The following BTRC variants were observed in gnomAD, a reference collection of about 807,000 sequenced individuals.
BTRC encodes beta-transducin repeat containing E3 ubiquitin protein ligase.
A neutral mutation model predicts 85.5 loss-of-function variants in BTRC; 42 were observed. That is an observed-to-expected ratio of 0.49 (90% CI 0.38 to 0.64). The LOEUF is 0.64. Among genes scored for constraint, BTRC ranks in the 30% least tolerant of loss-of-function variants. The pLI is 0.00. For missense variants in BTRC, 594 were observed against 743.5 expected, an observed-to-expected ratio of 0.80 and a Z score of 2.34; for synonymous variants, 255 against 263.3, an observed-to-expected ratio of 0.97 and a Z score of 0.30.
At chr10:101,527,461 G>C (rs1219380298) in intron 6 of BTRC, among the ~76,000 whole-genome samples, 1 of 152,126 alleles carries the variant, frequency 6.6e-6, no homozygotes, top group African/African-American at 2.4e-5. Flanking sequence ...GTGTAACAAA[G>C]AATATTGTTG....
At chr10:101,492,590 ATATT>A (rs1946161432) in intron 4 of BTRC, among the ~76,000 whole-genome samples, 2 of 152,258 alleles carry the variant, frequency 1.3e-5, no homozygotes, top group Admixed American at 1.3e-4. Flanking sequence ...ATCTTGCTCC[ATATT>A]TATTTTTGTA....
intron 4 of BTRC, among the ~76,000 whole-genome samples, chr10:101,497,408 G>T (rs9420834): frequency 0.37 from 56,285 of 152,060 alleles, 11,596 homozygotes; most frequent in Middle Eastern, 0.49. Context: ...GTTTAAATAT[G>T]AATATATTAA....
rs1250929450 is a variant in BTRC at position 101,532,975 on chromosome 10, A to T, written c.1002A>T (p.Glu334Asp). ...TIKIWDKNTLECKRILTGHTG... is the reference protein window; with the variant it reads ...TIKIWDKNTLDCKRILTGHTG... Reference sequence around the variant, plus strand: ...AGATCTGGGATAAAAACACATTGGAATGCAAGCGAATTCTCACAGGCCATA... The same window carrying T: ...AGATCTGGGATAAAAACACATTGGATTGCAAGCGAATTCTCACAGGCCATA... The change falls in exon 9 of 15, where the codon GAA becomes GAT. Residue 334 changes from glutamate (E) to aspartate (D), a missense_variant. By Grantham distance (45) the Glu-to-Asp change is conservative (BLOSUM62 2). Coordinates refer to ENST00000370187, the MANE Select transcript of BTRC (RefSeq NM_033637.4). 3.1e-6 allele frequency: 5 copies of T among 1,612,934 alleles called. No individual in the cohort carries two copies. The highest frequency in any genetic ancestry group is 4.2e-6 in the Non-Finnish European group (5 of 1,179,252).
chr10:101,519,005 A>C (rs1480096033), intron 4 of BTRC, among the ~76,000 whole-genome samples: 1 of 151,750 alleles, frequency 6.6e-6, no homozygotes, highest in Non-Finnish European at 1.5e-5. Context: ...CTCAAGGCTT[A>C]AATCAATCAA....
chr10:101,365,373 CTTT>C (rs1253340948), intron 1 of BTRC, among the ~76,000 whole-genome samples: 2 of 141,798 alleles, frequency 1.4e-5, no homozygotes, highest in Non-Finnish European at 3.1e-5. Flanking sequence ...GCGCTTGGCC[CTTT>C]TTTTTTTTAA....
intron 4 of BTRC, among the ~76,000 whole-genome samples, chr10:101,516,106 A>G (rs1478121599): frequency 2.6e-5 from 4 of 152,196 alleles, no homozygotes; most frequent in African/African-American, 9.7e-5. Flanking sequence ...TAGAAAAAAT[A>G]TATAGTGAAA....
chr10:101,457,625 A>G (rs1945115784), intron 2 of BTRC, among the ~76,000 whole-genome samples: 1 of 152,182 alleles, frequency 6.6e-6, no homozygotes, highest in Non-Finnish European at 1.5e-5. Context: ...CACATTCTGC[A>G]ATTTATTTAC....
chr10:101,438,382 G>A (rs527624783), intron 2 of BTRC, among the ~76,000 whole-genome samples: 5 of 116,662 alleles, frequency 4.3e-5, no homozygotes, highest in Admixed American at 1.3e-4. Context: ...CCGAGATCGC[G>A]CCACTACACT....
intron 3 of BTRC, among the ~76,000 whole-genome samples, chr10:101,470,680 T>C (rs1472556101): frequency 1.3e-5 from 2 of 152,214 alleles, no homozygotes; most frequent in Non-Finnish European, 2.9e-5. Context: ...TAAGAAATCT[T>C]TGTCTACCCC....
At chr10:101,414,744 G>A (rs891940480) in intron 1 of BTRC, 5 of 359,970 alleles carry the variant, frequency 1.4e-5, no homozygotes, top group African/African-American at 4.3e-5. Context: ...TAATGTGTGT[G>A]TTCATGTGTT....
chr10:101,552,357 A>T (rs376339990), intron 14 of BTRC, among the ~76,000 whole-genome samples: 9 of 132,884 alleles, frequency 6.8e-5, no homozygotes, highest in South Asian at 2.4e-4. Context: ...AATTGTTTGT[A>T]TTTTTTTTTT....
At chr10:101,406,645 T>C (rs1472013616) in intron 1 of BTRC, among the ~76,000 whole-genome samples, 1 of 144,704 alleles carries the variant, frequency 6.9e-6, no homozygotes, top group Non-Finnish European at 1.5e-5. Flanking sequence ...GTGATTCTCC[T>C]GCCTCAGCCT....
chr10:101,404,859 G>A (rs1016554552), intron 1 of BTRC, among the ~76,000 whole-genome samples: 10 of 152,030 alleles, frequency 6.6e-5, no homozygotes, highest in African/African-American at 2.2e-4. Flanking sequence ...TTAGCCGGGC[G>A]TGGTGGCGGG....
intron 1 of BTRC, among the ~76,000 whole-genome samples, chr10:101,423,359 G>A (rs971746231): frequency 2.6e-5 from 4 of 152,192 alleles, no homozygotes; most frequent in Non-Finnish European, 5.9e-5. Context: ...TACAGAGAAT[G>A]TTATACAGAT....
intron 1 of BTRC, among the ~76,000 whole-genome samples, chr10:101,427,064 G>C (rs542842820): frequency 4.0e-5 from 6 of 150,068 alleles, no homozygotes; most frequent in East Asian, 2.0e-4. Context: ...AGCACACACA[G>C]AAACTTAACC....
At chr10:101,414,720 G>A (rs1372296232) in intron 1 of BTRC, 1 of 488,790 alleles carries the variant, frequency 2.0e-6, no homozygotes, top group Admixed American at 2.1e-5. Context: ...GCTCTCTGTG[G>A]GCCTAGGCTA....
intron 4 of BTRC, among the ~76,000 whole-genome samples, chr10:101,517,082 A>G (rs1346603023): frequency 6.6e-6 from 1 of 152,196 alleles, no homozygotes; most frequent in African/African-American, 2.4e-5. Flanking sequence ...ATACAAACTA[A>G]TAACTTACAC....
intron 4 of BTRC, among the ~76,000 whole-genome samples, chr10:101,513,184 A>G (rs1302466789): frequency 2.0e-5 from 3 of 152,256 alleles, no homozygotes; most frequent in South Asian, 2.1e-4. Flanking sequence ...GGGCATGACA[A>G]CAAAGACCTT....
chr10:101,546,249 A>G (rs1005083274), intron 13 of BTRC, among the ~76,000 whole-genome samples: 3 of 152,240 alleles, frequency 2.0e-5, no homozygotes, highest in Non-Finnish European at 4.4e-5. Flanking sequence ...TAAAAAATTT[A>G]CAAGAGTAGA....
Sources: allele counts gnomAD v4.1 joint callset (sites outside exome capture counted in the v4.1 genomes callset), GRCh38; gene constraint gnomAD v4.1.1; transcripts MANE v1.5; gene names NCBI Gene and HGNC (gene_info 2026-07-23, HGNC 2026-07-21).